Variants in PTPRN2 observed in about 807,000 individuals in gnomAD.
PTPRN2 encodes the protein receptor-type tyrosine-protein phosphatase N2.
In PTPRN2, 74 loss-of-function variants were observed where a neutral mutation model predicts 118.8. The observed-to-expected ratio is 0.62, with a 90% CI of 0.52 to 0.76. The LOEUF (loss-of-function observed/expected upper bound fraction) is 0.76, where lower values mean the gene tolerates loss of function less well. Ranked by LOEUF, PTPRN2 falls within the 30% of genes least tolerant of loss-of-function variation. PTPRN2 has a pLI of 0.00. For missense variants in PTPRN2, 1,481 were observed against 1,394.4 expected, an observed-to-expected ratio of 1.06 and a Z score of -0.99; for synonymous variants, 641 against 608.0, an observed-to-expected ratio of 1.05 and a Z score of -0.80.
In PTPRN2 at chr7:158,264,906, T is replaced by A. The variant is rs114070848; in HGVS notation, c.277+51913A>T. On this transcript the variant is annotated intron_variant, in intron 3 of 22. Coordinates refer to ENST00000389418, the MANE Select transcript of PTPRN2 (RefSeq NM_002847.5). ...GTCCCATGGAGTTTTGGGGTCCTCC[T>A]CCTCTTCCCTCCCTTTTCTGCCTTT... Among the ~76,000 whole-genome samples, 436 of 152,222 alleles carry A rather than the reference T, an allele frequency of 2.9e-3. 2 individuals are homozygous for A. The highest frequency in any genetic ancestry group is 9.9e-3 in the African/African-American group (413 of 41,526).
chr7:158,336,534 A>C, intron 2 of PTPRN2, among the ~76,000 whole-genome samples: 1 of 118,210 alleles, frequency 8.5e-6, no homozygotes, highest in East Asian at 2.7e-4. Flanking sequence ...AAGAGGTGAA[A>C]CCTGCCGACG....
In PTPRN2 at chr7:157,727,074, G is replaced by T. The variant is rs1207441131; in HGVS notation, c.1789-44137C>A. ...AGCAGCTAGGGAGAACAGGGTGGCG[G>T]TTCCTCAGAGTTAGAAATGGAATTC... On this transcript the variant is annotated intron_variant, in intron 12 of 22. Transcript: ENST00000389418. 2.0e-5 allele frequency among the ~76,000 whole-genome samples: 3 copies of T among 152,314 alleles called. No individual in the cohort carries two copies. In the East Asian group the frequency reaches 5.8e-4, roughly 29 times the overall value.
At chr7:158,293,730 T>G (rs943789282) in intron 3 of PTPRN2, among the ~76,000 whole-genome samples, 1 of 143,874 alleles carries the variant, frequency 7.0e-6, no homozygotes, top group Non-Finnish European at 1.5e-5. Context: ...ATTTACACTT[T>G]TCTTCCACTT....
chr7:157,703,952 C>A (rs1484634388), intron 12 of PTPRN2, among the ~76,000 whole-genome samples: 1 of 152,162 alleles, frequency 6.6e-6, no homozygotes, highest in Non-Finnish European at 1.5e-5. Flanking sequence ...GGCTCAGGGC[C>A]CTCTGAAGCT....
rs1802753497 is a variant in PTPRN2 at position 158,319,721 on chromosome 7, TCACACACAC to T, written c.164-2798_164-2790del. 4.0e-4 allele frequency among the ~76,000 whole-genome samples: 2 copies of T among 5,012 alleles called. 1 individual carries two copies. Among genetic ancestry groups the T allele is most frequent in the Non-Finnish European group, 8.7e-4 (2 of 2,286 alleles). 3.3% of individuals were successfully genotyped at this position (5,012 alleles called of 152,430 possible). A position where few individuals can be genotyped will look rare whatever the true frequency, so the allele number is the denominator to read the frequency against. ...GCCTCCCTCATACACACAGCCTCCCTCACACACACTCACAGTCTCCCTCACACACACAGC... is the reference window on the plus strand; with the variant it reads ...GCCTCCCTCATACACACAGCCTCCCTTCACAGTCTCCCTCACACACACAGC... On this transcript the variant is annotated intron_variant, in intron 2 of 22. Transcript: ENST00000389418.
At chr7:158,123,304 C>A (rs1022505641) in intron 9 of PTPRN2, among the ~76,000 whole-genome samples, 1 of 152,224 alleles carries the variant, frequency 6.6e-6, no homozygotes, top group African/African-American at 2.4e-5. Context: ...TCGAGGGTGG[C>A]AAACAGTGGG....
chr7:157,921,349 C>A (rs55684240), intron 11 of PTPRN2, among the ~76,000 whole-genome samples: 22,090 of 152,178 alleles, frequency 0.15, 1,802 homozygotes, highest in East Asian at 0.24. Flanking sequence ...ACCAGCAGAG[C>A]ACAGAGGCTT....
At chr7:158,191,432 C>T (rs180870175) in intron 5 of PTPRN2, among the ~76,000 whole-genome samples, 1 of 151,368 alleles carries the variant, frequency 6.6e-6, no homozygotes, top group Non-Finnish European at 1.5e-5. Context: ...CCCCCAATGT[C>T]CCCAGGGCCA....
At chr7:158,204,458 A>C (rs1826962544) in intron 4 of PTPRN2, among the ~76,000 whole-genome samples, 1 of 152,238 alleles carries the variant, frequency 6.6e-6, no homozygotes. Context: ...ATCTTTCTAA[A>C]GACTATGACT....
At chr7:157,612,642 C>T (rs2150604036) in intron 15 of PTPRN2, among the ~76,000 whole-genome samples, 1 of 152,324 alleles carries the variant, frequency 6.6e-6, no homozygotes, top group South Asian at 2.1e-4. Context: ...ACCTCTGACC[C>T]CACAGCACGG....
intron 11 of PTPRN2, among the ~76,000 whole-genome samples, chr7:158,071,695 T>TCA (rs1563392910): frequency 2.5e-5 from 3 of 119,682 alleles, no homozygotes; most frequent in African/African-American, 9.6e-5. Context: ...GTGGAGGTGC[T>TCA]TGTGGTGGAG....
chr7:158,484,509 C>G (rs530007125), intron 2 of PTPRN2, among the ~76,000 whole-genome samples: 1 of 152,112 alleles, frequency 6.6e-6, no homozygotes, highest in Non-Finnish European at 1.5e-5. Flanking sequence ...ATCACAGGCA[C>G]GCGCCACCAC....
rs138879009 is a variant in PTPRN2, at chr7:157,934,856, T to C, written c.1724-36119A>G. 4.6e-5 allele frequency among the ~76,000 whole-genome samples: 7 copies of C among 152,324 alleles called. No individual in the cohort carries two copies. In the East Asian group the frequency reaches 1.4e-3, roughly 29 times the overall value. ...ACAGTGCAGGTCTAACATGGCAGAT[T>C]CTCTCGGGATGGGCTGGCACGAAAG... On this transcript the variant is annotated intron_variant, in intron 11 of 22. Coordinates refer to ENST00000389418, the MANE Select transcript of PTPRN2 (RefSeq NM_002847.5).
At chr7:157,717,198 G>T in intron 12 of PTPRN2, among the ~76,000 whole-genome samples, 1 of 152,244 alleles carries the variant, frequency 6.6e-6, no homozygotes, top group East Asian at 1.9e-4. Context: ...TTGAGAAAAT[G>T]CATCTCTAAA....
chr7:158,034,279 C>G (rs1050591109), intron 11 of PTPRN2, among the ~76,000 whole-genome samples: 27 of 151,720 alleles, frequency 1.8e-4, no homozygotes, highest in Admixed American at 5.9e-4. Flanking sequence ...CAGCAATGCT[C>G]TGTGTGTGGC....
At chr7:158,478,403 T>G (rs1461532846) in intron 2 of PTPRN2, among the ~76,000 whole-genome samples, 1 of 152,080 alleles carries the variant, frequency 6.6e-6, no homozygotes, top group Non-Finnish European at 1.5e-5. Context: ...GGGTGAGCAA[T>G]GGACGCCACT....
At chr7:157,839,315 T>G (rs1462688054) in intron 12 of PTPRN2, among the ~76,000 whole-genome samples, 1 of 152,238 alleles carries the variant, frequency 6.6e-6, no homozygotes, top group Non-Finnish European at 1.5e-5. Flanking sequence ...TGTGTCACTG[T>G]GTCCATATGT....
chr7:158,519,397 A>G (rs1293119634), intron 1 of PTPRN2, among the ~76,000 whole-genome samples: 2 of 152,104 alleles, frequency 1.3e-5, no homozygotes, highest in African/African-American at 4.8e-5. Flanking sequence ...TAAATAAGTA[A>G]AGAGGTGCTA....
At chr7:157,985,948 G>A (rs529054204) in intron 11 of PTPRN2, among the ~76,000 whole-genome samples, 31 of 152,060 alleles carry the variant, frequency 2.0e-4, no homozygotes, top group Admixed American at 1.0e-3. Context: ...GACGAGACCC[G>A]GCCTCGCTTA....
Sources: gnomAD v4.1 joint callset for allele counts (sites outside exome capture counted in the v4.1 genomes callset) on GRCh38, gnomAD v4.1.1 for gene constraint, MANE v1.5 for transcripts, NCBI Gene and HGNC (gene_info 2026-07-23, HGNC 2026-07-21) for gene names.